Variants in COL4A5 observed in about 807,000 individuals in gnomAD.
The protein encoded by COL4A5 is collagen type IV alpha 5 chain.
COL4A5 carries 26 observed loss-of-function variants against 130.2 expected under a neutral mutation model. The ratio of observed to expected loss-of-function variants is 0.20; its 90% confidence interval spans 0.15 to 0.28. The LOEUF (loss-of-function observed/expected upper bound fraction) is 0.28. COL4A5 is among the 10% of genes least tolerant of loss of function. COL4A5 has a pLI of 1.00. For missense variants in COL4A5, 1,131 were observed against 1,344.3 expected (o/e 0.84, Z 2.48); for synonymous variants, 496 against 439.6 (o/e 1.13, Z -1.60).
chrX:108,519,162 A>C (rs1345810802), intron 1 of COL4A5, among the ~76,000 whole-genome samples: 1 of 111,390 alleles, frequency 9.0e-6, no homozygotes, highest in Non-Finnish European at 1.9e-5. Context: ...AAGGGGGTAT[A>C]ACAAAGATAC....
At chrX:108,505,252 TA>T (rs57392649) in intron 1 of COL4A5, among the ~76,000 whole-genome samples, 10,111 of 100,755 alleles carry the variant, frequency 0.1, 1,133 homozygotes, top group African/African-American at 0.32. Context: ...CGGTGAGGGA[TA>T]AAAAAAAAAA....
At chrX:108,686,462 T>C (rs761506551) in intron 48 of COL4A5, among the ~76,000 whole-genome samples, 1 of 112,469 alleles carries the variant, frequency 8.9e-6, no homozygotes, top group African/African-American at 3.2e-5. Flanking sequence ...ATTTCCACAT[T>C]TGAAAATATC....
At chrX:108,636,120 A>G (rs1569501131) in intron 36 of COL4A5, among the ~76,000 whole-genome samples, 1 of 111,800 alleles carries the variant, frequency 8.9e-6, no homozygotes, top group Non-Finnish European at 1.9e-5. Flanking sequence ...CTGGATCTAA[A>G]ATAAAAAACA....
At chrX:108,493,445 G>T (rs745688870) in intron 1 of COL4A5, among the ~76,000 whole-genome samples, 84 of 111,866 alleles carry the variant, frequency 7.5e-4, no homozygotes, top group African/African-American at 2.5e-3. Flanking sequence ...TACTGGGACA[G>T]CCTAAAGGTA....
At chrX:108,649,084 CT>C (rs1273616248) in intron 36 of COL4A5, among the ~76,000 whole-genome samples, 1 of 111,369 alleles carries the variant, frequency 9.0e-6, no homozygotes, top group African/African-American at 3.3e-5. Context: ...AGTAGCTCTT[CT>C]TTACACCAAC....
intron 8 of COL4A5, among the ~76,000 whole-genome samples, chrX:108,573,195 A>G (rs1310993243): frequency 3.7e-5 from 4 of 108,796 alleles, no homozygotes; most frequent in Non-Finnish European, 7.6e-5. Context: ...TGATATTGTC[A>G]TCTTATATTT....
intron 1 of COL4A5, among the ~76,000 whole-genome samples, chrX:108,474,648 C>A (rs2064814231): frequency 9.0e-6 from 1 of 111,537 alleles, no homozygotes; most frequent in African/African-American, 3.3e-5. Flanking sequence ...ATTGCTTGTG[C>A]TTTTGGGGTC....
At chrX:108,560,615 T>C (rs1294354210) in intron 3 of COL4A5, among the ~76,000 whole-genome samples, 3 of 113,107 alleles carry the variant, frequency 2.7e-5, no homozygotes, top group Non-Finnish European at 5.6e-5. Flanking sequence ...CTATCTAGTT[T>C]TGGAGTTCTC....
rs369187460 is a variant in COL4A5 at position 108,623,439 on chromosome X, T to TAA, written c.2917+623_2917+624dup. ...GTAAAATATTACGTGGGGTTTTCAA[T>TAA]AAAAAAAAAACCTTTTTTATAGAAG... On this transcript the variant is annotated intron_variant, in intron 33 of 52. Coordinates refer to ENST00000328300, the MANE Select transcript of COL4A5 (RefSeq NM_033380.3). Among the ~76,000 whole-genome samples, 49 of 99,969 alleles carry TAA rather than the reference T, an allele frequency of 4.9e-4. 1 individual carries two copies. The highest frequency in any genetic ancestry group is 1.6e-3 in the Admixed American group (15 of 9,593). The allele number at this position is 99,969 out of a possible 115,157, so 86.8% of individuals were successfully genotyped here.
At chrX:108,631,005 T>G (rs2067246864) in intron 36 of COL4A5, among the ~76,000 whole-genome samples, 1 of 111,900 alleles carries the variant, frequency 8.9e-6, no homozygotes, top group Non-Finnish European at 1.9e-5. Context: ...TTCTGTTCCA[T>G]TGGTCTACAT....
chrX:108,603,203 TA>T (rs998880570), intron 28 of COL4A5, 142 bp downstream of exon 28: 23 of 319,169 alleles, frequency 7.2e-5, no homozygotes, highest in African/African-American at 1.1e-4. Flanking sequence ...ATATTTCCAT[TA>T]AAAAAATATT....
At chrX:108,672,074 A>G (rs1215850512) in intron 42 of COL4A5, among the ~76,000 whole-genome samples, 1 of 112,143 alleles carries the variant, frequency 8.9e-6, no homozygotes, top group East Asian at 2.8e-4. Context: ...TGTTCGCTGC[A>G]TCCACTTTCT....
At chrX:108,608,297 A>G (rs1464334682) in intron 29 of COL4A5, among the ~76,000 whole-genome samples, 1 of 111,594 alleles carries the variant, frequency 9.0e-6, no homozygotes, top group Non-Finnish European at 1.9e-5. Context: ...TATTGTTAAA[A>G]AATTTTAAGT....
At chrX:108,479,006 G>A (rs1212591114) in intron 1 of COL4A5, among the ~76,000 whole-genome samples, 1 of 112,157 alleles carries the variant, frequency 8.9e-6, no homozygotes, top group Non-Finnish European at 1.9e-5. Flanking sequence ...GGTCAGCATT[G>A]ATGAGTGCAA....
chrX:108,553,928 G>T (rs1455615963), intron 2 of COL4A5, among the ~76,000 whole-genome samples: 1 of 111,869 alleles, frequency 8.9e-6, no homozygotes, highest in East Asian at 2.8e-4. Context: ...ACCATAACAA[G>T]TTTGAATCTC....
At chrX:108,485,735 A>C (rs1221414834) in intron 1 of COL4A5, among the ~76,000 whole-genome samples, 1 of 109,817 alleles carries the variant, frequency 9.1e-6, no homozygotes, top group Non-Finnish European at 1.9e-5. Context: ...AGTGGAAGGA[A>C]GGGATCTGTG....
At chrX:108,541,646 C>G (rs921674310) in intron 2 of COL4A5, among the ~76,000 whole-genome samples, 21 of 111,826 alleles carry the variant, frequency 1.9e-4, no homozygotes, top group African/African-American at 6.8e-4. Flanking sequence ...CAAAAAATTG[C>G]TTATAGATTC....
chrX:108,477,933 C>A (rs912908932), intron 1 of COL4A5, among the ~76,000 whole-genome samples: 6 of 110,743 alleles, frequency 5.4e-5, no homozygotes, highest in African/African-American at 1.3e-4. Context: ...ACTACCTATT[C>A]TGTATTCCCT....
chrX:108,664,875 C>T (rs2147951714), intron 37 of COL4A5, among the ~76,000 whole-genome samples: 1 of 112,029 alleles, frequency 8.9e-6, no homozygotes, highest in East Asian at 2.8e-4. Context: ...TCCATATACC[C>T]ACCAGAATGT....
Sources: allele counts gnomAD v4.1 joint callset (sites outside exome capture counted in the v4.1 genomes callset), GRCh38; gene constraint gnomAD v4.1.1; transcripts MANE v1.5; gene names NCBI Gene and HGNC (gene_info 2026-07-23, HGNC 2026-07-21).